The following SLC17A7 variants were observed in gnomAD, a reference collection of about 807,000 sequenced individuals.
SLC17A7 encodes the protein solute carrier family 17 member 7, also known as vesicular glutamate transporter 1.
A neutral mutation model predicts 59.1 loss-of-function variants in SLC17A7; 15 were observed. The observed-to-expected ratio is 0.25, with a 90% CI of 0.17 to 0.39. The LOEUF (loss-of-function observed/expected upper bound fraction) is 0.39, where lower values mean the gene tolerates loss of function less well. Among genes scored for constraint, SLC17A7 ranks in the 10% least tolerant of loss-of-function variants. The pLI, the probability that SLC17A7 is intolerant of heterozygous loss-of-function variation, is 1.00. For missense variants in SLC17A7, 499 were observed against 765.1 expected, an observed-to-expected ratio of 0.65 and a Z score of 4.10; for synonymous variants, 353 against 308.9, an observed-to-expected ratio of 1.14 and a Z score of -1.50.
intron 1 of SLC17A7, among the ~76,000 whole-genome samples, chr19:49,438,891 A>C (rs182225724): frequency 3.9e-5 from 6 of 152,188 alleles, no homozygotes; most frequent in Non-Finnish European, 8.8e-5. Flanking sequence ...AGGGGGTCTC[A>C]GTATCCCACA....
rs201288328 is a variant in SLC17A7, at chr19:49,441,354, C to T, written c.26G>A (p.Arg9Gln). 6 of 1,607,074 alleles carry T rather than the reference C, an allele frequency of 3.7e-6. No individual in the cohort carries two copies. Among genetic ancestry groups the T allele is most frequent in the East Asian group, 4.5e-5 (2 of 44,416 alleles). The part of the protein sequence containing the change: MEFRQEEF[R>Q]KLAGRALGKL... ...CCCGAGAGCACGACCCGCTAGCTTC[C>T]GAAACTCCTCCTGGCGGAACTCCAT... The change falls in exon 1 of 12, where the codon CGG (arginine) becomes CAG (glutamine). Residue 9 changes from arginine to glutamine, a missense_variant. Transcript: ENST00000221485.
rs2078960317 is a variant in SLC17A7, at chr19:49,431,605, C to T, written c.1151-157G>A. 1.3e-5 allele frequency among the ~76,000 whole-genome samples: 2 copies of T among 152,190 alleles called. No homozygotes were observed. Among genetic ancestry groups the T allele is most frequent in the Admixed American group, 1.3e-4 (2 of 15,306 alleles). The stretch of plus-strand genomic sequence containing the variant: ...CCCAGGCCTCTTCGCGCCCTCCACG[C>T]CACCCGCACCCACCCTAACCAGGCC... On this transcript the variant is annotated intron_variant, in intron 9 of 11. Coordinates refer to ENST00000221485, the MANE Select transcript of SLC17A7 (RefSeq NM_020309.4). This position sits in a 1 kb window ranked among gnomAD's most constrained non-coding sequence, Gnocchi z 4.6.
intron 1 of SLC17A7, chr19:49,438,043 C>G (rs896833949): frequency 2.0e-5 from 3 of 147,130 alleles, no homozygotes; most frequent in African/African-American, 7.6e-5. Context: ...GACAGAGACC[C>G]AGAGAGAGAG....
rs1410804633 is a variant in SLC17A7 at position 49,436,224 on chromosome 19, G to A, written c.315+325C>T. On this transcript the variant is annotated intron_variant, in intron 2 of 11. Transcript: ENST00000221485. The surrounding 1 kb of genome is among the most constrained non-coding windows in gnomAD (Gnocchi z 4.1). ...CCGGGGACATGAGCTTGGGGTACAG[G>A]CGTGAGCAAAATTGCTAGTAGGTCC... The A allele has an allele frequency of 2.5e-6, 1 of 400,924 alleles. No individual in the cohort carries two copies. The highest frequency in any genetic ancestry group is 2.0e-5 in the African/African-American group (1 of 50,154). 24.8% of individuals were successfully genotyped at this position (400,924 alleles called of 1,614,324 possible).
intron 2 of SLC17A7, chr19:49,435,551 A>C: frequency 2.7e-6 from 1 of 371,596 alleles, no homozygotes; most frequent in Non-Finnish European, 4.9e-6. Context: ...CCTTGCCTCC[A>C]TGAAAGCCTA....
chr19:49,435,974 G>C (rs377569826), intron 2 of SLC17A7: 1 of 155,690 alleles, frequency 6.4e-6, no homozygotes, highest in African/African-American at 2.4e-5. Flanking sequence ...GCTGAGGCAG[G>C]AGAGTCACTT....
chr19:49,441,408 G>C lies in SLC17A7; in HGVS notation c.-29C>G. ...GGCGGCTCCTGCCGCCGGTCACCCC[G>C]CGGGTCCCCCCCGCCGATCCCCCCG... is the stretch of plus-strand genomic sequence containing the variant. On this transcript the variant is annotated 5_prime_UTR_variant, in exon 1 of 12. Transcript: ENST00000221485. 2 of 1,488,370 alleles carry C rather than the reference G, an allele frequency of 1.3e-6. No individual in the cohort carries two copies. The highest frequency in any genetic ancestry group is 1.8e-6 in the Non-Finnish European group (2 of 1,121,544). 92.2% of individuals were successfully genotyped at this position (1,488,370 alleles called of 1,614,324 possible). A position where few individuals can be genotyped will look rare whatever the true frequency, so the allele number is the denominator to read the frequency against.
Position 49,434,830 on chromosome 19 carries a change from A to G in SLC17A7, c.487T>C (p.Ser163Pro). 1.2e-6 allele frequency: 2 copies of G among 1,614,162 alleles called. No individual in the cohort carries two copies. Among genetic ancestry groups the G allele is most frequent in the Non-Finnish European group, 1.7e-6 (2 of 1,180,020 alleles). The change falls in exon 4 of 12, where the codon TCA (serine) becomes CCA (proline). Residue 163 changes from serine (S) to proline (P), a missense_variant. Ser to Pro is a moderately conservative substitution (Grantham distance 74, BLOSUM62 -1). This residue lies in a region of SLC17A7 where 323 missense variants were observed against 607.2 expected (regional missense o/e 0.53). Transcript: ENST00000221485. ...CAGCCATAGTGGACGCGGGCAGCTGAGGGGATCAGCATGTTTAGAGTGGAT... is the reference window on the plus strand; with the variant it reads ...CAGCCATAGTGGACGCGGGCAGCTGGGGGGATCAGCATGTTTAGAGTGGAT... ...ATSTLNMLIP[S>P]AARVHYGCVI...
At position 49,433,773 on chromosome 19, in the gene SLC17A7, T is replaced by C; in HGVS notation, c.820A>G (p.Ile274Val). 6.2e-7 allele frequency: 1 copy of C among 1,614,078 alleles called. No individual in the cohort carries two copies. Among genetic ancestry groups the C allele is most frequent in the Non-Finnish European group, 8.5e-7 (1 of 1,180,002 alleles). The change falls in exon 7 of 12, where the codon ATC becomes GTC. Residue 274 changes from isoleucine to valine, a missense_variant. By Grantham distance (29) the Ile-to-Val change is conservative. Around this residue, in one of 3 missense-constraint regions of SLC17A7, gnomAD observed 323 missense variants for 607.2 expected, o/e 0.53. Coordinates refer to ENST00000221485, the MANE Select transcript of SLC17A7 (RefSeq NM_020309.4). The surrounding 1 kb of genome is among the most constrained non-coding windows in gnomAD (Gnocchi z 5.7). ...GCGCTCTCTCCGATGGCGTCCTCGA[T>C]GTACTTGCGCTCCTCCTCCGAGATG... ...PSISEEERKYIEDAIGESAKL... is the reference protein window; with the variant it reads ...PSISEEERKYVEDAIGESAKL...
At position 49,435,117 on chromosome 19, in the gene SLC17A7, T is replaced by A. The variant is rs571906374; in HGVS notation, c.434+51A>T. On this transcript the variant is annotated intron_variant, in intron 3 of 11. Transcript: ENST00000221485. ...CAAATTCAAGACCACGCCCTCTAAC[T>A]CCACCCACACAACTGTAGTTACCGC... 2.9e-5 allele frequency: 40 copies of A among 1,396,390 alleles called. No homozygotes were observed. In the African/African-American group the frequency reaches 5.0e-4, roughly 17 times the overall value. The allele number at this position is 1,396,390 out of a possible 1,614,324, so 86.5% of individuals were successfully genotyped here.
At chr19:49,440,098 C>T (rs1460130464) in intron 1 of SLC17A7, among the ~76,000 whole-genome samples, 3 of 152,168 alleles carry the variant, frequency 2.0e-5, no homozygotes, top group Non-Finnish European at 4.4e-5. Context: ...ATCCTCCTGC[C>T]CACCTCCCCC....
intron 1 of SLC17A7, among the ~76,000 whole-genome samples, chr19:49,439,995 G>T (rs896610472): frequency 6.6e-6 from 1 of 152,098 alleles, no homozygotes; most frequent in African/African-American, 2.4e-5. Flanking sequence ...GAAAGGAGGC[G>T]AGAAAAAGGG....
intron 3 of SLC17A7, 120 bp downstream of exon 3, chr19:49,435,048 C>A (rs1019750857): frequency 2.0e-6 from 2 of 1,020,788 alleles, no homozygotes; most frequent in Non-Finnish European, 3.0e-6. Context: ...TCTCTAAGAC[C>A]CACCCCCAAA....
Position 49,434,085 on chromosome 19 carries a change from T to A in SLC17A7, c.638-39A>T, listed in dbSNP as rs757247344. ...TGCGGGGGAGAGAACAGGCCCATCT[T>A]CCCTCAGATCAAGGAGTGCGGACCC... On this transcript the variant is annotated intron_variant, in intron 5 of 11. Transcript: ENST00000221485. 15 of 1,369,478 alleles carry A rather than the reference T, an allele frequency of 1.1e-5. No homozygotes were observed. The Admixed American group carries it at 1.4e-4, about 12-fold the overall frequency. The allele number at this position is 1,369,478 out of a possible 1,614,324, so 84.8% of individuals were successfully genotyped here.
Position 49,434,038 on chromosome 19 carries a change from C to T in SLC17A7, c.646G>A (p.Ala216Thr). 6.2e-7 allele frequency: 1 copy of T among 1,611,956 alleles called. No homozygotes were observed. The highest frequency in any genetic ancestry group is 8.5e-7 in the Non-Finnish European group (1 of 1,178,434). ...LATTAFCGSYAGAVVAMPLAG... is the reference protein window; with the variant it reads ...LATTAFCGSYTGAVVAMPLAG... ...AGGGGCATCGCGACCACCGCCCCAG[C>T]ATAGGAACCTAAGGGGGAGGATGCG... The change falls in exon 6 of 12, where the codon GCT becomes ACT. Residue 216 changes from alanine (A) to threonine (T), a missense_variant. Physicochemically the swap from Ala to Thr is moderately conservative, Grantham distance 58. Coordinates refer to ENST00000221485, the MANE Select transcript of SLC17A7 (RefSeq NM_020309.4).
In SLC17A7 at chr19:49,432,794, C is replaced by G. The variant is rs1201792648; in HGVS notation, c.1017+17G>C. On this transcript the variant is annotated intron_variant, in intron 8 of 11. Transcript: ENST00000221485. ...CGACCCCTCCGCGCCCCCCTGCCCT[C>G]TCCTCCTGGGCTCTACCTTGCTGAT... The G allele has an allele frequency of 3.1e-6, 5 of 1,588,026 alleles. No homozygotes were observed. Among genetic ancestry groups the G allele is most frequent in the African/African-American group, 2.7e-5 (2 of 74,600 alleles).
Position 49,432,828 on chromosome 19 carries a change from C to G in SLC17A7, c.1000G>C (p.Gly334Arg). 1 of 1,590,762 alleles carries G rather than the reference C, an allele frequency of 6.3e-7. No individual in the cohort carries two copies. Among genetic ancestry groups the G allele is most frequent in the Non-Finnish European group, 8.6e-7 (1 of 1,168,312 alleles). The change falls in exon 8 of 12, where the codon GGC (glycine) becomes CGC (arginine). Residue 334 changes from glycine (G) to arginine (R), a missense_variant. By Grantham distance (125) the Gly-to-Arg change is moderately radical (BLOSUM62 -2). Coordinates refer to ENST00000221485, the MANE Select transcript of SLC17A7 (RefSeq NM_020309.4). Reference sequence around the variant, plus strand: ...GGCTCTACCTTGCTGATCTCGAAGCCGAACACTTCTTCGAAGTAGGCGGGC... The same window carrying G: ...GGCTCTACCTTGCTGATCTCGAAGCGGAACACTTCTTCGAAGTAGGCGGGC... ...SQPAYFEEVFGFEISKVGLVS... is the reference protein window; with the variant it reads ...SQPAYFEEVFRFEISKVGLVS...
rs1310044313 is a variant in SLC17A7, at chr19:49,432,974, G to C, written c.868-14C>G. 6.2e-7 allele frequency: 1 copy of C among 1,602,878 alleles called. No homozygotes were observed. The highest frequency in any genetic ancestry group is 1.1e-5 in the South Asian group (1 of 88,724). ...AGTGCTAAACTTCTGTGGGGGCGAG[G>C]GGAGGGCCGCTAAGACGGGGAGCGG... On this transcript the variant is annotated splice_polypyrimidine_tract_variant and intron_variant, in intron 7 of 11. Transcript: ENST00000221485.
chr19:49,436,487 G>A lies in SLC17A7; in HGVS notation c.315+62C>T. On this transcript the variant is annotated intron_variant, in intron 2 of 11. Transcript: ENST00000221485. The surrounding 1 kb of genome is among the most constrained non-coding windows in gnomAD (Gnocchi z 4.1). ...TCTGGTGGGTGAGTGTGACGTCATG[G>A]GGGCGTAGGCGGAGCTCGGTGAGCG... 1.3e-6 allele frequency: 2 copies of A among 1,579,792 alleles called. No individual in the cohort carries two copies. The highest frequency in any genetic ancestry group is 1.1e-5 in the South Asian group (1 of 88,050).
Sources: allele counts gnomAD v4.1 joint callset (sites outside exome capture counted in the v4.1 genomes callset), GRCh38; gene constraint gnomAD v4.1.1; regional missense constraint gnomAD v4.1.1; non-coding constraint Gnocchi (gnomAD v3.1); transcripts MANE v1.5; gene names NCBI Gene and HGNC (gene_info 2026-07-23, HGNC 2026-07-21).